RXRA: variants seen among roughly 807,000 people sequenced by gnomAD.
RXRA encodes retinoic acid receptor RXR-alpha.
RXRA carries 5 observed loss-of-function variants against 44.5 expected under a neutral mutation model. The observed-to-expected ratio is 0.11, with a 90% CI of 0.06 to 0.24. The LOEUF (loss-of-function observed/expected upper bound fraction) is 0.24, where lower values mean the gene tolerates loss of function less well. RXRA is among the 10% of genes least tolerant of loss of function. The probability of loss-of-function intolerance (pLI) is 1.00; values close to 1 mark genes in which losing one functional copy is unlikely to be tolerated. For synonymous variants in RXRA, 291 were observed against 271.4 expected, an observed-to-expected ratio of 1.07 and a Z score of -0.71; for missense variants, 412 against 646.5, an observed-to-expected ratio of 0.64 and a Z score of 3.93.
intron 1 of RXRA, among the ~76,000 whole-genome samples, chr9:134,329,591 G>A (rs62576290): frequency 0.13 from 19,567 of 152,162 alleles, 1,336 homozygotes; most frequent in South Asian, 0.23. Flanking sequence ...GTGGGGGGCG[G>A]GTGCTCTGAG....
chr9:134,429,026 G>A (rs1831483876), intron 6 of RXRA, 82 bp from the exon 7 acceptor site: 1 of 1,557,978 alleles, frequency 6.4e-7, no homozygotes, highest in Admixed American at 1.7e-5. Flanking sequence ...TGCTGCCTCT[G>A]TAGGGTCCCA....
At chr9:134,423,031 C>T (rs1440562141) in intron 6 of RXRA, 1 of 985,386 alleles carries the variant, frequency 1.0e-6, no homozygotes, top group Admixed American at 6.1e-5. Flanking sequence ...AGGACGGTGG[C>T]TGGGAGCTCA....
intron 1 of RXRA, among the ~76,000 whole-genome samples, chr9:134,348,406 G>A (rs1373033474): frequency 7.9e-5 from 12 of 152,364 alleles, no homozygotes; most frequent in Admixed American, 5.9e-4. Context: ...GGCAGTGAGA[G>A]CCAGGTGCAG....
At chr9:134,421,561 G>T (rs2234754) in intron 5 of RXRA, 115 bp from the exon 6 acceptor site, 22,041 of 1,209,490 alleles carry the variant, frequency 0.018, 693 homozygotes, top group South Asian at 0.098. Context: ...ATCTTTGGGG[G>T]CCGTATTCAG....
At chr9:134,410,497 G>A (rs564799776) in intron 4 of RXRA, among the ~76,000 whole-genome samples, 1 of 152,330 alleles carries the variant, frequency 6.6e-6, no homozygotes, top group South Asian at 2.1e-4. Context: ...GGAGAGGTGT[G>A]TACCCAGCCT....
At chr9:134,358,827 C>T (rs1830315842) in intron 1 of RXRA, among the ~76,000 whole-genome samples, 1 of 152,204 alleles carries the variant, frequency 6.6e-6, no homozygotes, top group Non-Finnish European at 1.5e-5. Flanking sequence ...TATGTAAGTG[C>T]TGCTTGCTCA....
chr9:134,342,976 A>G lies in RXRA; in HGVS notation c.28+16317A>G, dbSNP rs530661891. On this transcript the variant is annotated intron_variant, in intron 1 of 9. Coordinates refer to ENST00000481739, the MANE Select transcript of RXRA (RefSeq NM_002957.6). The surrounding 1 kb of genome is among the most constrained non-coding windows in gnomAD (Gnocchi z 4.4). Reference sequence around the variant, plus strand: ...CCTTTGATTAGAGGCCAGGAAACCCAATCCCGCAGCCTAGGCAGTGGGGGG... The same window carrying G: ...CCTTTGATTAGAGGCCAGGAAACCCGATCCCGCAGCCTAGGCAGTGGGGGG... Among the ~76,000 whole-genome samples, 100 of 152,262 alleles carry G rather than the reference A, an allele frequency of 6.6e-4. No homozygotes were observed. The highest frequency in any genetic ancestry group is 2.3e-3 in the African/African-American group (96 of 41,566).
intron 1 of RXRA, among the ~76,000 whole-genome samples, chr9:134,333,672 A>G (rs1376052581): frequency 3.3e-5 from 5 of 152,192 alleles, no homozygotes; most frequent in Admixed American, 3.3e-4. Context: ...CCCAGAATGC[A>G]GTGAGGCTGG....
rs1588311224 is a variant in RXRA, at chr9:134,433,263, A to T, written c.1136-839A>T. Among the ~76,000 whole-genome samples, 2 of 152,190 alleles carry T rather than the reference A, an allele frequency of 1.3e-5. No individual in the cohort carries two copies. The highest frequency in any genetic ancestry group is 3.9e-4 in the East Asian group (2 of 5,158). ...GCCCGGCCCGGCCCGAGGAATCCCCATTCAGGTCCTGTGTGGTCTGGTTGC... is the reference window on the plus strand; with the variant it reads ...GCCCGGCCCGGCCCGAGGAATCCCCTTTCAGGTCCTGTGTGGTCTGGTTGC... On this transcript the variant is annotated intron_variant, in intron 8 of 9. Coordinates refer to ENST00000481739, the MANE Select transcript of RXRA (RefSeq NM_002957.6). The surrounding 1 kb of genome is among the most constrained non-coding windows in gnomAD (Gnocchi z 4.2).
At chr9:134,368,612 A>G (rs1236961059) in intron 1 of RXRA, among the ~76,000 whole-genome samples, 6 of 151,660 alleles carry the variant, frequency 4.0e-5, no homozygotes, top group Non-Finnish European at 8.8e-5. Flanking sequence ...GTGTACATGC[A>G]TGTGGATGTA....
At chr9:134,390,330 G>A (rs540788180) in intron 1 of RXRA, among the ~76,000 whole-genome samples, 1 of 152,274 alleles carries the variant, frequency 6.6e-6, no homozygotes, top group African/African-American at 2.4e-5. Context: ...TCCCTTCCAC[G>A]GGTCACTTGG....
intron 1 of RXRA, among the ~76,000 whole-genome samples, chr9:134,372,654 C>A (rs905206600): frequency 4.6e-5 from 7 of 152,188 alleles, no homozygotes; most frequent in African/African-American, 1.4e-4. Flanking sequence ...GGCCCACTGA[C>A]CCGCCTTGGG....
At chr9:134,378,863 G>A (rs1830597496) in intron 1 of RXRA, among the ~76,000 whole-genome samples, 1 of 152,234 alleles carries the variant, frequency 6.6e-6, no homozygotes. Context: ...AGCCTGGAGG[G>A]CAGGAGCCAG....
intron 1 of RXRA, among the ~76,000 whole-genome samples, chr9:134,382,268 GGTGTGTGT>G (rs145989754): frequency 4.7e-5 from 7 of 149,102 alleles, no homozygotes; most frequent in African/African-American, 1.7e-4. Context: ...AGGTTTGGGT[GGTGTGTGT>G]GTGTGTGTGT....
At chr9:134,396,364 G>A (rs1438812993) in intron 1 of RXRA, among the ~76,000 whole-genome samples, 3 of 152,034 alleles carry the variant, frequency 2.0e-5, no homozygotes, top group Admixed American at 2.0e-4. Context: ...TCCCTGCCAC[G>A]TCCTCATCCC....
chr9:134,380,399 C>T (rs62573099), intron 1 of RXRA, among the ~76,000 whole-genome samples: 98,642 of 151,798 alleles, frequency 0.65, 33,242 homozygotes, highest in Non-Finnish European at 0.75. Flanking sequence ...GGGACTTCGC[C>T]TGGGGTCGGA....
chr9:134,371,799 G>A (rs1483182722), intron 1 of RXRA, among the ~76,000 whole-genome samples: 4 of 152,222 alleles, frequency 2.6e-5, no homozygotes, highest in African/African-American at 9.6e-5. Flanking sequence ...CCATGGGTGC[G>A]CGAGTGCAGG....
rs1471416097 is a variant in RXRA at position 134,365,386 on chromosome 9, G to T, written c.29-36246G>T. 6.6e-6 allele frequency among the ~76,000 whole-genome samples: 1 copy of T among 152,214 alleles called. No individual in the cohort carries two copies. Among genetic ancestry groups the T allele is most frequent in the Admixed American group, 6.5e-5 (1 of 15,290 alleles). ...GAGCTCAGGGAGCGGGGTCCACGTT[G>T]CCTGGCCCAGGTGGGATTTGGCGGG... is the stretch of plus-strand genomic sequence containing the variant. On this transcript the variant is annotated intron_variant, in intron 1 of 9. Coordinates refer to ENST00000481739, the MANE Select transcript of RXRA (RefSeq NM_002957.6). The surrounding 1 kb of genome is among the most constrained non-coding windows in gnomAD (Gnocchi z 4.0).
rs1265269125 is a variant in RXRA at position 134,424,521 on chromosome 9, C to T, written c.910+2716C>T. ...GAAGCTGCATTTCCGGCATGAGTCC[C>T]AGCCCCACTACCCACGAGCAGCTGA... On this transcript the variant is annotated intron_variant, in intron 6 of 9. Transcript: ENST00000481739. The T allele has an allele frequency of 1.6e-5, 16 of 985,310 alleles. No homozygotes were observed. The Admixed American group carries it at 4.9e-4, about 30-fold the overall frequency. 61.0% of individuals were successfully genotyped at this position (985,310 alleles called of 1,614,324 possible).
Sources: allele counts gnomAD v4.1 joint callset (sites outside exome capture counted in the v4.1 genomes callset), GRCh38; gene constraint gnomAD v4.1.1; non-coding constraint Gnocchi (gnomAD v3.1); transcripts MANE v1.5; gene names NCBI Gene and HGNC (gene_info 2026-07-23, HGNC 2026-07-21).